Variants in ABHD12 observed in about 807,000 individuals in gnomAD.
ABHD12 encodes the protein abhydrolase domain containing 12, lysophospholipase.
In ABHD12, 43 loss-of-function variants were observed where a neutral mutation model predicts 58.3. The ratio of observed to expected loss-of-function variants is 0.74; its 90% CI spans 0.58 to 0.95. The LOEUF is 0.95. Ranked by LOEUF, ABHD12 falls within the 40% of genes least tolerant of loss-of-function variation. The probability of loss-of-function intolerance (pLI) is 0.00; values close to 1 mark genes in which losing one functional copy is unlikely to be tolerated. For missense variants in ABHD12, 539 were observed against 537.2 expected (o/e 1.00, Z -0.03); for synonymous variants, 219 against 211.2 (o/e 1.04, Z -0.32).
chr20:25,387,827 G>A (rs1479597431), intron 1 of ABHD12, among the ~76,000 whole-genome samples: 3 of 150,446 alleles, frequency 2.0e-5, no homozygotes, highest in Non-Finnish European at 3.0e-5. Flanking sequence ...TGGATCACGA[G>A]GTCACGAGTT....
intron 2 of ABHD12, among the ~76,000 whole-genome samples, chr20:25,326,432 C>T (rs1303984783): frequency 6.6e-6 from 1 of 152,058 alleles, no homozygotes; most frequent in Non-Finnish European, 1.5e-5. Flanking sequence ...TCTAATAGGC[C>T]CAGGAGGCCC....
downstream of ABHD12, among the ~76,000 whole-genome samples, chr20:25,298,664 T>A (rs2088588610): frequency 1.3e-5 from 2 of 152,236 alleles, no homozygotes; most frequent in Non-Finnish European, 1.5e-5. Context: ...CTTGTGCTGG[T>A]CCCTTTGCAC....
chr20:25,374,105 C>CT (rs1568770860), intron 1 of ABHD12, among the ~76,000 whole-genome samples: 1 of 152,090 alleles, frequency 6.6e-6, no homozygotes, highest in Admixed American at 6.6e-5. Flanking sequence ...CAATTTTTTT[C>CT]TTTTTTGATG....
chr20:25,328,383 T>A (rs1258682577), intron 2 of ABHD12, among the ~76,000 whole-genome samples: 1 of 152,064 alleles, frequency 6.6e-6, no homozygotes, highest in Non-Finnish European at 1.5e-5. Context: ...ACTCTGAATA[T>A]CCACACCTGG....
chr20:25,300,271 A>T lies in ABHD12; in HGVS notation c.*574T>A. On this transcript the variant is annotated 3_prime_UTR_variant, in exon 13 of 13. Transcript: ENST00000339157. Reference sequence around the variant, plus strand: ...CTCAGTCTAAGGCCAGGTTAGGTGTACAGGTAGGTGAAAGGGGAGGAAGTG... The same window carrying T: ...CTCAGTCTAAGGCCAGGTTAGGTGTTCAGGTAGGTGAAAGGGGAGGAAGTG... 9.8e-7 allele frequency: 1 copy of T among 1,021,284 alleles called. No individual in the cohort carries two copies. 63.3% of individuals were successfully genotyped at this position (1,021,284 alleles called of 1,614,324 possible). A position where few individuals can be genotyped will look rare whatever the true frequency, so the allele number is the denominator to read the frequency against.
intron 1 of ABHD12, among the ~76,000 whole-genome samples, chr20:25,382,317 T>C (rs1037544640): frequency 1.3e-5 from 2 of 151,866 alleles, no homozygotes; most frequent in Admixed American, 6.6e-5. Context: ...ACTGACACTC[T>C]AGACGCTGGC....
chr20:25,339,186 C>T, intron 2 of ABHD12, 41 bp downstream of exon 2: 1 of 1,612,384 alleles, frequency 6.2e-7, no homozygotes, highest in Non-Finnish European at 8.5e-7. Context: ...GAAAATGAAC[C>T]CTTACTAAAA....
At chr20:25,311,090 C>A (rs945190264) in intron 6 of ABHD12, among the ~76,000 whole-genome samples, 6 of 152,216 alleles carry the variant, frequency 3.9e-5, no homozygotes, top group Non-Finnish European at 8.8e-5. Context: ...CCTGATGGAA[C>A]TTTCTTCCCT....
intron 1 of ABHD12, among the ~76,000 whole-genome samples, chr20:25,386,126 A>T (rs745859596): frequency 6.8e-6 from 1 of 146,466 alleles, no homozygotes. Flanking sequence ...ATAATAATAA[A>T]AATAAAAGTT....
intron 1 of ABHD12, among the ~76,000 whole-genome samples, chr20:25,353,253 T>C (rs888259546): frequency 8.4e-6 from 1 of 118,800 alleles, no homozygotes; most frequent in African/African-American, 2.6e-5. Flanking sequence ...GTGTTTTTTT[T>C]GTTTGTTTCT....
At chr20:25,315,036 G>A (rs1391491689) in intron 5 of ABHD12, 66 bp from the exon 6 acceptor site, 10 of 1,551,622 alleles carry the variant, frequency 6.4e-6, no homozygotes, top group African/African-American at 2.7e-5. Context: ...GCAGCTTGCC[G>A]CTTACTAAAC....
At chr20:25,383,486 C>A (rs189240275) in intron 1 of ABHD12, among the ~76,000 whole-genome samples, 28 of 152,340 alleles carry the variant, frequency 1.8e-4, no homozygotes, top group Non-Finnish European at 2.9e-5. Context: ...GCCTTCAATG[C>A]ACATTCCCAA....
At chr20:25,336,809 G>T (rs1486998151) in intron 2 of ABHD12, among the ~76,000 whole-genome samples, 1 of 152,202 alleles carries the variant, frequency 6.6e-6, no homozygotes, top group East Asian at 1.9e-4. Flanking sequence ...GGACAGCGGG[G>T]CCTGGAGATG....
At chr20:25,390,477 G>GGGCCCCCCCCCCCCCCCCCCCCCCCCCC in intron 1 of ABHD12, 36 bp downstream of exon 1, 1 of 98,524 alleles carries the variant, frequency 1.0e-5, no homozygotes. Flanking sequence ...TGAGGGACCG[G>GGGCCCCCCCCCCCCCCCCCCCCCCCCCC]CCCCCCCCCC....
chr20:25,331,189 C>T (rs554062029), intron 2 of ABHD12, among the ~76,000 whole-genome samples: 19 of 152,116 alleles, frequency 1.2e-4, no homozygotes, highest in Middle Eastern at 3.4e-3. Flanking sequence ...GGAGCCAATG[C>T]GATCAACTGG....
chr20:25,333,477 T>C (rs1326223463), intron 2 of ABHD12, among the ~76,000 whole-genome samples: 2 of 145,642 alleles, frequency 1.4e-5, no homozygotes, highest in African/African-American at 5.0e-5. Flanking sequence ...ATCATCCTGA[T>C]ACCAAAGCCG....
intron 1 of ABHD12, among the ~76,000 whole-genome samples, chr20:25,348,439 C>A (rs1158207037): frequency 1.0e-4 from 12 of 119,228 alleles, no homozygotes; most frequent in African/African-American, 4.1e-4. Flanking sequence ...TGACACAAAC[C>A]ATTTGGTAAA....
chr20:25,359,925 C>T (rs920501874), intron 1 of ABHD12, among the ~76,000 whole-genome samples: 17 of 151,962 alleles, frequency 1.1e-4, no homozygotes, highest in African/African-American at 2.7e-4. Flanking sequence ...TAGAAGTGTA[C>T]GTTAAAAATA....
intron 2 of ABHD12, among the ~76,000 whole-genome samples, chr20:25,330,269 G>A (rs1030410458): frequency 6.6e-6 from 1 of 152,204 alleles, no homozygotes; most frequent in Non-Finnish European, 1.5e-5. Flanking sequence ...CTTAAAAAAC[G>A]GCACAACAGG....
Sources: gnomAD v4.1 joint callset for allele counts (sites outside exome capture counted in the v4.1 genomes callset) on GRCh38, gnomAD v4.1.1 for gene constraint, MANE v1.5 for transcripts, NCBI Gene and HGNC (gene_info 2026-07-23, HGNC 2026-07-21) for gene names.